Variants in CALD1 observed in about 807,000 individuals in gnomAD.
CALD1 encodes caldesmon 1.
In CALD1, 33 loss-of-function variants were observed where a neutral mutation model predicts 99.9. The observed-to-expected ratio is 0.33, with a 90% CI of 0.25 to 0.44. The LOEUF (loss-of-function observed/expected upper bound fraction) is 0.44, where lower values mean the gene tolerates loss of function less well. Among genes scored for constraint, CALD1 ranks in the 20% least tolerant of loss-of-function variants. The probability of loss-of-function intolerance (pLI) is 1.00; values close to 1 mark genes in which losing one functional copy is unlikely to be tolerated. For synonymous variants in CALD1, 310 were observed against 325.0 expected (o/e 0.95, Z 0.50); for missense variants, 861 against 962.1 (o/e 0.89, Z 1.39).
Position 134,867,768 on chromosome 7 carries a change from G to A in CALD1, c.35G>A (p.Arg12Lys). 6.2e-7 allele frequency: 1 copy of A among 1,610,362 alleles called. No individual in the cohort carries two copies. ...DDFERRRELR[R>K]QKREEMRLEA... ...TTTGAGCGTCGCAGAGAACTTAGAA[G>A]GCAAAAGAGGGAGGAGATGCGACTC... The change falls in exon 3 of 15, where the codon AGG (arginine) becomes AAG (lysine). Residue 12 changes from arginine to lysine, a missense_variant. By Grantham distance (26) the Arg-to-Lys change is conservative. Around this residue, in one of 5 missense-constraint regions of CALD1, gnomAD observed 123 missense variants for 169.8 expected, o/e 0.72. Coordinates refer to ENST00000361675, the MANE Select transcript of CALD1 (RefSeq NM_033138.4).
At chr7:134,738,505 T>A in the CALD1 span, among the ~76,000 whole-genome samples, 2 of 152,210 alleles carry the variant, frequency 1.3e-5, no homozygotes, top group African/African-American at 4.8e-5. Flanking sequence ...TGTGGAATAG[T>A]CTAAATTCCC....
intron 3 of CALD1, among the ~76,000 whole-genome samples, chr7:134,873,979 T>C (rs1801226801): frequency 6.6e-6 from 1 of 152,144 alleles, no homozygotes; most frequent in African/African-American, 2.4e-5. Flanking sequence ...TTGCACATCA[T>C]AGATGGTACA....
upstream of CALD1, among the ~76,000 whole-genome samples, chr7:134,776,117 G>A (rs757866428): frequency 3.3e-5 from 5 of 151,962 alleles, no homozygotes; most frequent in Non-Finnish European, 5.9e-5. Flanking sequence ...TAATCCCAGT[G>A]GCTATTTTTT....
At chr7:134,955,354 C>T (rs570522198) in intron 9 of CALD1, among the ~76,000 whole-genome samples, 2 of 152,202 alleles carry the variant, frequency 1.3e-5, no homozygotes, top group African/African-American at 2.4e-5. Flanking sequence ...CACCACTGCA[C>T]TCCATCCTGG....
chr7:134,874,668 T>C (rs952825142), intron 3 of CALD1, among the ~76,000 whole-genome samples: 4 of 152,294 alleles, frequency 2.6e-5, no homozygotes, highest in African/African-American at 9.6e-5. Context: ...GCCCCTATTG[T>C]AGAGTTACGT....
At chr7:134,787,443 T>C (rs1797349952) in intron 1 of CALD1, among the ~76,000 whole-genome samples, 1 of 152,192 alleles carries the variant, frequency 6.6e-6, no homozygotes, top group Admixed American at 6.5e-5. Flanking sequence ...TTTCGCTTCC[T>C]AGGAAAAGCT....
intron 1 of CALD1, among the ~76,000 whole-genome samples, chr7:134,811,089 C>T (rs778860485): frequency 1.3e-5 from 2 of 152,142 alleles, no homozygotes; most frequent in African/African-American, 2.4e-5. Context: ...TTATATCTGA[C>T]CAATAGGGTT....
upstream of CALD1, among the ~76,000 whole-genome samples, chr7:134,776,489 C>G (rs777168310): frequency 1.3e-5 from 2 of 152,140 alleles, no homozygotes; most frequent in Non-Finnish European, 2.9e-5. Flanking sequence ...TTGGTCTTAT[C>G]TCTTTTTTCC....
At chr7:134,841,102 G>T (rs894584625) in intron 1 of CALD1, among the ~76,000 whole-genome samples, 7 of 151,842 alleles carry the variant, frequency 4.6e-5, no homozygotes, top group Non-Finnish European at 1.0e-4. Flanking sequence ...CATTTTTTTC[G>T]TGGAAAGATG....
chr7:134,875,562 G>A (rs1276891605), intron 3 of CALD1, among the ~76,000 whole-genome samples: 1 of 152,150 alleles, frequency 6.6e-6, no homozygotes, highest in Non-Finnish European at 1.5e-5. Flanking sequence ...GCTTGAACCC[G>A]GGAGGTGGAG....
At chr7:134,804,137 T>TTTAG (rs1423502630) in intron 1 of CALD1, among the ~76,000 whole-genome samples, 3 of 152,258 alleles carry the variant, frequency 2.0e-5, no homozygotes, top group Admixed American at 6.5e-5. Flanking sequence ...GAGATAAGGA[T>TTTAG]TTAGTACATT....
chr7:134,891,614 T>G (rs772900229), intron 3 of CALD1: 1 of 1,608,010 alleles, frequency 6.2e-7, no homozygotes, highest in Non-Finnish European at 8.5e-7. Flanking sequence ...CCTTCCCAAC[T>G]GCGGACATGC....
intron 13 of CALD1, chr7:134,962,472 G>A (rs1808352571): frequency 5.5e-6 from 1 of 182,232 alleles, no homozygotes; most frequent in Non-Finnish European, 1.2e-5. Flanking sequence ...CCTAGAGGGT[G>A]AAGAAAAGGA....
At chr7:134,906,454 T>C (rs915389358) in intron 3 of CALD1, among the ~76,000 whole-genome samples, 81 of 152,224 alleles carry the variant, frequency 5.3e-4, no homozygotes, top group African/African-American at 1.9e-3. Flanking sequence ...GTCTATTCAA[T>C]GTTGTTCTAA....
rs1467271027 is a variant in CALD1, at chr7:134,783,897, C to A, written c.-130+4148C>A. Among the ~76,000 whole-genome samples the A allele has an allele frequency of 6.6e-6, 1 of 151,876 alleles. No individual in the cohort carries two copies. Among genetic ancestry groups the A allele is most frequent in the Admixed American group, 6.6e-5 (1 of 15,254 alleles). Reference sequence around the variant, plus strand: ...AGATTGCGTCATATGACCTCCATTTCAAAGAAAAAGAGGTCATTTCCAGAA... The same window carrying A: ...AGATTGCGTCATATGACCTCCATTTAAAAGAAAAAGAGGTCATTTCCAGAA... On this transcript the variant is annotated intron_variant, in intron 1 of 14. Coordinates refer to ENST00000361675, the MANE Select transcript of CALD1 (RefSeq NM_033138.4). This position sits in a 1 kb window ranked among gnomAD's most constrained non-coding sequence, Gnocchi z 4.3.
At position 134,968,406 on chromosome 7, in the gene CALD1, T is replaced by G; in HGVS notation, c.*61T>G. 1 of 1,481,192 alleles carries G rather than the reference T, an allele frequency of 6.8e-7. No individual in the cohort carries two copies. The highest frequency in any genetic ancestry group is 9.4e-7 in the Non-Finnish European group (1 of 1,058,976). The allele number at this position is 1,481,192 out of a possible 1,614,324, so 91.8% of individuals were successfully genotyped here. A position where few individuals can be genotyped will look rare whatever the true frequency, so the allele number is the denominator to read the frequency against. ...GACGAGCTCAGTTGTAGAGGGCTAA[T>G]TCGCTCTGTTTTGTATTTATGTTGA... On this transcript the variant is annotated 3_prime_UTR_variant, in exon 15 of 15. Transcript: ENST00000361675.
chr7:134,714,895 T>C, the CALD1 span, among the ~76,000 whole-genome samples: 42 of 152,298 alleles, frequency 2.8e-4, no homozygotes, highest in East Asian at 3.9e-3. Context: ...GGTTGCTTTC[T>C]TGGTGCCACT....
intron 1 of CALD1, among the ~76,000 whole-genome samples, chr7:134,780,318 C>T (rs1428775268): frequency 3.3e-5 from 5 of 152,130 alleles, no homozygotes; most frequent in Admixed American, 3.3e-4. Flanking sequence ...ATCACTAGCA[C>T]CTAGCACTGG....
At chr7:134,759,496 G>A (rs1451974817) in intron 1 of CALD1, among the ~76,000 whole-genome samples, 1 of 152,172 alleles carries the variant, frequency 6.6e-6, no homozygotes, top group Non-Finnish European at 1.5e-5. Context: ...CAGCATGTGT[G>A]AAAACCTGAG....
Sources: gnomAD v4.1 joint callset for allele counts (sites outside exome capture counted in the v4.1 genomes callset) on GRCh38, gnomAD v4.1.1 for gene constraint, gnomAD v4.1.1 regional missense constraint, Gnocchi (gnomAD v3.1) non-coding constraint, MANE v1.5 for transcripts, NCBI Gene and HGNC (gene_info 2026-07-23, HGNC 2026-07-21) for gene names.